ST18: variants seen among roughly 807,000 people sequenced by gnomAD.
ST18 encodes ST18 C2H2C-type zinc finger transcription factor, also known as suppression of tumorigenicity 18 protein.
In ST18, 50 loss-of-function variants were observed where a neutral mutation model predicts 110.0. The ratio of observed to expected loss-of-function variants is 0.45; its 90% CI spans 0.36 to 0.58. The LOEUF is 0.58. Ranked by LOEUF, ST18 falls within the 20% of genes least tolerant of loss-of-function variation. The probability of loss-of-function intolerance (pLI) is 0.00; values close to 1 mark genes in which losing one functional copy is unlikely to be tolerated. For synonymous variants in ST18, 461 were observed against 452.4 expected (o/e 1.02, Z -0.24); for missense variants, 1,306 against 1,280.1 (o/e 1.02, Z -0.31).
chr8:52,382,019 A>T (rs1468939546), intron 2 of ST18, among the ~76,000 whole-genome samples: 1 of 151,990 alleles, frequency 6.6e-6, no homozygotes, highest in South Asian at 2.1e-4. Flanking sequence ...CACAGGCCAC[A>T]GAAAACCCTC....
intron 16 of ST18, among the ~76,000 whole-genome samples, chr8:52,144,705 A>T (rs1227741903): frequency 6.6e-6 from 1 of 152,168 alleles, no homozygotes; most frequent in Non-Finnish European, 1.5e-5. Context: ...CGATAAAAAG[A>T]CAGGATTTTA....
At chr8:52,171,524 C>T (rs1317189601) in intron 10 of ST18, 1 of 538,002 alleles carries the variant, frequency 1.9e-6, no homozygotes, top group Non-Finnish European at 3.5e-6. Flanking sequence ...AGGTATGATG[C>T]ATTTATAAAA....
chr8:52,226,890 C>G (rs371763514), intron 3 of ST18, among the ~76,000 whole-genome samples: 1 of 152,108 alleles, frequency 6.6e-6, no homozygotes, highest in African/African-American at 2.4e-5. Context: ...AGACATTTTC[C>G]ATTTTCCTTA....
chr8:52,284,318 A>G (rs918513869), intron 2 of ST18, among the ~76,000 whole-genome samples: 3 of 152,216 alleles, frequency 2.0e-5, no homozygotes, highest in Non-Finnish European at 2.9e-5. Flanking sequence ...CTTGAACATG[A>G]GGAGGAATAC....
At chr8:52,186,656 A>T (rs1452483861) in intron 8 of ST18, among the ~76,000 whole-genome samples, 1 of 152,236 alleles carries the variant, frequency 6.6e-6, no homozygotes, top group Non-Finnish European at 1.5e-5. Context: ...AACATCGCAT[A>T]GTCCTTTGAC....
Position 52,165,143 on chromosome 8 carries a change from G to A in ST18, c.1287C>T (p.Thr429=). Residue 429 remains threonine, a synonymous_variant, in exon 12 of 26, where the codon ACC becomes ACT. Coordinates refer to ENST00000689386, the MANE Select transcript of ST18 (RefSeq NM_001352837.2). ...CATCTAATGAGAATTACCTCCTGTG[G>A]GTGTTGCGGTTGCTGTTCACATGAC... ...GRGHVNSNRN[T]HRSLSGCPIA... The A allele has an allele frequency of 6.2e-7, 1 of 1,614,024 alleles. No homozygotes were observed. The highest frequency in any genetic ancestry group is 8.5e-7 in the Non-Finnish European group (1 of 1,179,972).
rs1468327283 is a variant in ST18, at chr8:52,195,794, A to T, written c.87-15482T>A. ...CAATTTTACCTTAACTAACTTGGTGAATAATCTAAATTCTCTTTTTTTTGC... is the reference window on the plus strand; with the variant it reads ...CAATTTTACCTTAACTAACTTGGTGTATAATCTAAATTCTCTTTTTTTTGC... On this transcript the variant is annotated intron_variant, in intron 8 of 25. Transcript: ENST00000689386. 2.6e-5 allele frequency among the ~76,000 whole-genome samples: 4 copies of T among 152,324 alleles called. No homozygotes were observed. In the East Asian group the frequency reaches 7.7e-4, roughly 29 times the overall value.
intron 2 of ST18, among the ~76,000 whole-genome samples, chr8:52,254,010 A>G (rs1335126316): frequency 6.6e-6 from 1 of 152,076 alleles, no homozygotes. Flanking sequence ...AGAGACAGAG[A>G]GAAATACATT....
intron 8 of ST18, among the ~76,000 whole-genome samples, chr8:52,183,256 A>G (rs1215863994): frequency 1.3e-5 from 2 of 152,204 alleles, no homozygotes; most frequent in Non-Finnish European, 2.9e-5. Context: ...GATATACACA[A>G]CAGTCATTCA....
intron 2 of ST18, among the ~76,000 whole-genome samples, chr8:52,332,326 G>T (rs1809893394): frequency 6.6e-6 from 1 of 151,854 alleles, no homozygotes; most frequent in Non-Finnish European, 1.5e-5. Context: ...ACATTTCTAA[G>T]AACTATGATC....
intron 2 of ST18, among the ~76,000 whole-genome samples, chr8:52,395,278 C>T (rs962863444): frequency 2.0e-5 from 3 of 152,246 alleles, no homozygotes; most frequent in Admixed American, 6.5e-5. Context: ...GTTCATTGAG[C>T]ATATAAACAA....
intron 2 of ST18, among the ~76,000 whole-genome samples, chr8:52,331,847 A>T (rs1314553804): frequency 6.6e-6 from 1 of 152,154 alleles, no homozygotes; most frequent in Non-Finnish European, 1.5e-5. Flanking sequence ...TTGGAGCCAA[A>T]TCTTCCCATT....
chr8:52,202,408 T>G (rs938067185), intron 8 of ST18, among the ~76,000 whole-genome samples: 6 of 152,200 alleles, frequency 3.9e-5, no homozygotes, highest in Admixed American at 1.3e-4. Flanking sequence ...GAATTATATA[T>G]GATAAAGTTT....
At chr8:52,277,115 C>G (rs1261254218) in intron 2 of ST18, among the ~76,000 whole-genome samples, 1 of 152,210 alleles carries the variant, frequency 6.6e-6, no homozygotes, top group East Asian at 1.9e-4. Flanking sequence ...CCTCTTAGGT[C>G]AGAGACTGCC....
At chr8:52,275,870 A>G (rs1165687156) in intron 2 of ST18, among the ~76,000 whole-genome samples, 24 of 151,996 alleles carry the variant, frequency 1.6e-4, no homozygotes, top group Admixed American at 1.5e-3. Flanking sequence ...GTCAGAGCCC[A>G]TCAGTATAGC....
intron 2 of ST18, among the ~76,000 whole-genome samples, chr8:52,233,685 T>G (rs925349522): frequency 6.1e-4 from 93 of 152,328 alleles, no homozygotes; most frequent in African/African-American, 2.2e-3. Context: ...CGTCCAATGC[T>G]TATCCAATTT....
intron 12 of ST18, among the ~76,000 whole-genome samples, chr8:52,164,668 T>G (rs185302381): frequency 6.6e-6 from 1 of 152,378 alleles, no homozygotes; most frequent in Admixed American, 6.5e-5. Context: ...TATGTATGTC[T>G]TATGCTAGTT....
At position 52,172,311 on chromosome 8, in the gene ST18, G is replaced by A. The variant is rs769442417; in HGVS notation, c.550C>T (p.Pro184Ser). ...TTGTCATCAGAGGAGCAGAAGGGTG[G>A]CTGAGAATCATCAATCTTGTCTCTT... ...DGRDKIDDSQPPFCSSDDNES... is the reference protein window; with the variant it reads ...DGRDKIDDSQSPFCSSDDNES... The change falls in exon 10 of 26, where the codon CCA becomes TCA. Residue 184 changes from proline (P) to serine (S), a missense_variant. Pro to Ser is a moderately conservative substitution (Grantham distance 74). Coordinates refer to ENST00000689386, the MANE Select transcript of ST18 (RefSeq NM_001352837.2). The A allele has an allele frequency of 6.2e-7, 1 of 1,614,124 alleles. No individual in the cohort carries two copies. The highest frequency in any genetic ancestry group is 8.5e-7 in the Non-Finnish European group (1 of 1,180,036).
At chr8:52,198,151 C>T (rs1588251330) in intron 8 of ST18, among the ~76,000 whole-genome samples, 1 of 152,146 alleles carries the variant, frequency 6.6e-6, no homozygotes, top group East Asian at 1.9e-4. Flanking sequence ...GGACTACAGG[C>T]ACCCACCACC....
Sources: gnomAD v4.1 joint callset for allele counts (sites outside exome capture counted in the v4.1 genomes callset) on GRCh38, gnomAD v4.1.1 for gene constraint, MANE v1.5 for transcripts, NCBI Gene and HGNC (gene_info 2026-07-23, HGNC 2026-07-21) for gene names.